The following GRIN2D variants were observed in gnomAD, a reference collection of about 807,000 sequenced individuals.
The protein encoded by GRIN2D is glutamate ionotropic receptor NMDA type subunit 2D, also known as glutamate receptor ionotropic, NMDA 2D.
Under a neutral mutation model 103.2 loss-of-function variants are expected in GRIN2D, and 37 were observed. That is an observed-to-expected ratio of 0.36 (90% CI 0.28 to 0.47). The LOEUF (loss-of-function observed/expected upper bound fraction) is 0.47, where lower values mean the gene tolerates loss of function less well. GRIN2D is among the 20% of genes least tolerant of loss of function. GRIN2D has a pLI of 1.00. For synonymous variants in GRIN2D, 845 were observed against 885.6 expected, an observed-to-expected ratio of 0.95 and a Z score of 0.81; for missense variants, 1,557 against 1,910.6, an observed-to-expected ratio of 0.81 and a Z score of 3.45.
intron 3 of GRIN2D, among the ~76,000 whole-genome samples, chr19:48,402,123 A>AGAAG: frequency 1.8e-5 from 1 of 56,102 alleles, no homozygotes; most frequent in African/African-American, 8.8e-5. Context: ...AAGGAAAGAA[A>AGAAG]GAAAGAAAGA....
chr19:48,402,839 A>G (rs1384361437), intron 3 of GRIN2D, among the ~76,000 whole-genome samples: 1 of 148,310 alleles, frequency 6.7e-6, no homozygotes, highest in Non-Finnish European at 1.5e-5. Context: ...GGAAAGATCG[A>G]GCAATCTGTT....
intron 11 of GRIN2D, among the ~76,000 whole-genome samples, chr19:48,424,443 T>C (rs1971063988): frequency 6.6e-6 from 1 of 150,734 alleles, no homozygotes; most frequent in Non-Finnish European, 1.5e-5. Flanking sequence ...GCTAATTTTT[T>C]GTATTTTTAA....
intron 11 of GRIN2D, among the ~76,000 whole-genome samples, chr19:48,424,191 G>A (rs1444871733): frequency 1.3e-5 from 2 of 150,730 alleles, no homozygotes; most frequent in Non-Finnish European, 2.9e-5. Flanking sequence ...CAAGGTGAGA[G>A]GATCACTTAA....
At chr19:48,411,228 G>A (rs1216081739) in intron 4 of GRIN2D, among the ~76,000 whole-genome samples, 2 of 151,942 alleles carry the variant, frequency 1.3e-5, no homozygotes, top group African/African-American at 4.8e-5. Flanking sequence ...AGGAGGCTGA[G>A]GTGGAAGGAT....
At position 48,440,576 on chromosome 19, in the gene GRIN2D, T is replaced by C. The variant is rs567851537; in HGVS notation, c.2253-1193T>C. Among the ~76,000 whole-genome samples the C allele has an allele frequency of 7.2e-5, 11 of 152,216 alleles. No homozygotes were observed. The South Asian group carries it at 1.9e-3, about 26-fold the overall frequency. On this transcript the variant is annotated intron_variant, in intron 11 of 13. Transcript: ENST00000263269. Reference sequence around the variant, plus strand: ...CCACTGCATTCCAGCTTGGGCAACATAGTGAGACCTCGTCTCAGGAAAACA... The same window carrying C: ...CCACTGCATTCCAGCTTGGGCAACACAGTGAGACCTCGTCTCAGGAAAACA...
chr19:48,411,520 T>G (rs574042262), intron 4 of GRIN2D, among the ~76,000 whole-genome samples: 11 of 151,512 alleles, frequency 7.3e-5, no homozygotes, highest in African/African-American at 2.7e-4. Flanking sequence ...GCGGTGGTGC[T>G]TGCCTGTAAT....
intron 3 of GRIN2D, among the ~76,000 whole-genome samples, chr19:48,399,613 C>T (rs892850655): frequency 8.5e-5 from 13 of 152,086 alleles, no homozygotes; most frequent in African/African-American, 3.1e-4. Context: ...GGGGCGAAGT[C>T]TAGTGGAGAG....
At chr19:48,423,975 T>C (rs892991047) in intron 11 of GRIN2D, among the ~76,000 whole-genome samples, 1 of 151,828 alleles carries the variant, frequency 6.6e-6, no homozygotes, top group Middle Eastern at 3.2e-3. Context: ...TGCACTACTA[T>C]GCCTGGCTAA....
chr19:48,443,202 T>TCCGCCCCCGTGCCGCGCCGCG lies in GRIN2D; in HGVS notation c.3290_3310dup (p.Arg1097_Cys1103dup). ...GCGCAGGCGGAGGAGCCCCGGCCGC[T>TCCGCCCCCGTGCCGCGCCGCG]CCGCCCCCGTGCCGCGCCGCGCCGC... On this transcript the variant is annotated inframe_insertion, in exon 14 of 14. Coordinates refer to ENST00000263269, the MANE Select transcript of GRIN2D (RefSeq NM_000836.4). This position sits in a 1 kb window ranked among gnomAD's most constrained non-coding sequence, Gnocchi z 8.9. 1 of 1,209,614 alleles carries TCCGCCCCCGTGCCGCGCCGCG rather than the reference T, an allele frequency of 8.3e-7. No homozygotes were observed. The highest frequency in any genetic ancestry group is 1.0e-6 in the Non-Finnish European group (1 of 962,428). 74.9% of individuals were successfully genotyped at this position (1,209,614 alleles called of 1,614,324 possible).
At chr19:48,433,055 T>G (rs2147467561) in intron 11 of GRIN2D, among the ~76,000 whole-genome samples, 1 of 49,170 alleles carries the variant, frequency 2.0e-5, no homozygotes. Flanking sequence ...CCTCCCAAAG[T>G]GCTGGGATTA....
chr19:48,398,293 T>C (rs1445188801), intron 2 of GRIN2D, 74 bp from the exon 3 acceptor site: 7 of 528,392 alleles, frequency 1.3e-5, no homozygotes, highest in Non-Finnish European at 1.5e-5. Context: ...CGTCTCTTTA[T>C]CTCGTCTCCC....
intron 4 of GRIN2D, among the ~76,000 whole-genome samples, chr19:48,412,371 A>T (rs1219335278): frequency 6.7e-6 from 1 of 149,514 alleles, no homozygotes; most frequent in Non-Finnish European, 1.5e-5. Flanking sequence ...ATAAAAATTT[A>T]AAAAAAAGAA....
intron 2 of GRIN2D, among the ~76,000 whole-genome samples, chr19:48,396,405 G>T (rs867015865): frequency 2.0e-5 from 3 of 152,064 alleles, no homozygotes; most frequent in African/African-American, 4.8e-5. Context: ...GGAGTGGGAC[G>T]CGGGGTCCCT....
intron 8 of GRIN2D, 47 bp downstream of exon 8, chr19:48,416,202 C>G (rs1293386842): frequency 1.3e-6 from 2 of 1,560,210 alleles, no homozygotes; most frequent in Admixed American, 3.4e-5. Context: ...GCAAAGTAGC[C>G]GTCCCCAACC....
intron 8 of GRIN2D, among the ~76,000 whole-genome samples, chr19:48,417,134 G>A (rs138309963): frequency 1.3e-5 from 2 of 152,114 alleles, no homozygotes; most frequent in Non-Finnish European, 2.9e-5. Context: ...CAGCTACTCC[G>A]GAGGCTGAGG....
Position 48,443,171 on chromosome 19 carries a change from C to G in GRIN2D, c.3245C>G (p.Thr1082Arg). ...LGPGAGGAGGTGGAGGGAPAA... is the reference protein window; with the variant it reads ...LGPGAGGAGGRGGAGGGAPAA... The stretch of plus-strand genomic sequence containing the variant: ...CCAGGCGCGGGCGGCGCGGGGGGCA[C>G]GGGGGGCGCAGGCGGAGGAGCCCCG... The change falls in exon 14 of 14, where the codon ACG becomes AGG. Residue 1082 changes from threonine to arginine, a missense_variant. Thr to Arg is a moderately conservative substitution (Grantham distance 71). Around this residue, in one of 7 missense-constraint regions of GRIN2D, gnomAD observed 632 missense variants for 572.8 expected, o/e 1.10. Coordinates refer to ENST00000263269, the MANE Select transcript of GRIN2D (RefSeq NM_000836.4). The surrounding 1 kb of genome is among the most constrained non-coding windows in gnomAD (Gnocchi z 8.9). 6.7e-6 allele frequency: 7 copies of G among 1,039,054 alleles called. No homozygotes were observed. The highest frequency in any genetic ancestry group is 8.1e-6 in the Non-Finnish European group (7 of 861,806). 64.4% of individuals were successfully genotyped at this position (1,039,054 alleles called of 1,614,324 possible). A position where few individuals can be genotyped will look rare whatever the true frequency, so the allele number is the denominator to read the frequency against.
chr19:48,414,657 G>A lies in GRIN2D; in HGVS notation c.1412+73G>A. The A allele has an allele frequency of 4.3e-6, 6 of 1,409,650 alleles. No homozygotes were observed. Among genetic ancestry groups the A allele is most frequent in the Non-Finnish European group, 5.8e-6 (6 of 1,025,848 alleles). 87.3% of individuals were successfully genotyped at this position (1,409,650 alleles called of 1,614,324 possible). A position where few individuals can be genotyped will look rare whatever the true frequency, so the allele number is the denominator to read the frequency against. On this transcript the variant is annotated intron_variant, in intron 6 of 13. Coordinates refer to ENST00000263269, the MANE Select transcript of GRIN2D (RefSeq NM_000836.4). This position sits in a 1 kb window ranked among gnomAD's most constrained non-coding sequence, Gnocchi z 4.6. ...TGAAGCCCAGTAGTCTGGGCCCCCA[G>A]CCCCCTCCTCCCTTGGGACCCAGGA...
intron 4 of GRIN2D, among the ~76,000 whole-genome samples, chr19:48,407,304 C>T (rs754963415): frequency 6.6e-6 from 1 of 151,860 alleles, no homozygotes; most frequent in Non-Finnish European, 1.5e-5. Context: ...TGCTTTCTCC[C>T]TCCCTCCCTC....
Position 48,402,378 on chromosome 19 carries a change from T to TGA in GRIN2D, c.466-2346_466-2345dup, listed in dbSNP as rs1555891812. Reference sequence around the variant, plus strand: ...TTTGGGGCCTGAGCATCAGGGTGAATGAGAGAGAGAGGAAAAAAAAGGCAG... The same window carrying TGA: ...TTTGGGGCCTGAGCATCAGGGTGAATGAGAGAGAGAGAGGAAAAAAAAGGCAG... On this transcript the variant is annotated intron_variant, in intron 3 of 13. Coordinates refer to ENST00000263269, the MANE Select transcript of GRIN2D (RefSeq NM_000836.4). Among the ~76,000 whole-genome samples, 4 of 151,698 alleles carry TGA rather than the reference T, an allele frequency of 2.6e-5. No homozygotes were observed. In the South Asian group the frequency reaches 8.3e-4, roughly 32 times the overall value.
Sources: gnomAD v4.1 joint callset for allele counts (sites outside exome capture counted in the v4.1 genomes callset) on GRCh38, gnomAD v4.1.1 for gene constraint, gnomAD v4.1.1 regional missense constraint, Gnocchi (gnomAD v3.1) non-coding constraint, MANE v1.5 for transcripts, NCBI Gene and HGNC (gene_info 2026-07-23, HGNC 2026-07-21) for gene names.